STXBP6: variants seen among roughly 807,000 people sequenced by gnomAD.
STXBP6 encodes syntaxin binding protein 6.
Under a neutral mutation model 26.9 loss-of-function variants are expected in STXBP6, and 21 were observed. That is an observed-to-expected ratio of 0.78 (90% CI 0.55 to 1.12). The LOEUF (loss-of-function observed/expected upper bound fraction) is 1.12, where lower values mean the gene tolerates loss of function less well. Ranked by LOEUF, STXBP6 falls within the 50% of genes most tolerant of loss-of-function variation. The probability of loss-of-function intolerance (pLI) is 0.00; values close to 1 mark genes in which losing one functional copy is unlikely to be tolerated. For synonymous variants in STXBP6, 97 were observed against 92.6 expected (o/e 1.05, Z -0.27); for missense variants, 232 against 257.9 (o/e 0.90, Z 0.69).
intron 2 of STXBP6, among the ~76,000 whole-genome samples, chr14:24,921,832 C>A (rs997304633): frequency 4.0e-5 from 6 of 150,160 alleles, no homozygotes; most frequent in Admixed American, 2.0e-4. Flanking sequence ...AAGCCACAAC[C>A]CTTACTTTCA....
intron 1 of STXBP6, among the ~76,000 whole-genome samples, chr14:25,032,842 T>C (rs1463972999): frequency 6.6e-6 from 1 of 152,168 alleles, no homozygotes; most frequent in Non-Finnish European, 1.5e-5. Flanking sequence ...AAAGACACAT[T>C]TCTAAGTGCT....
chr14:24,862,328 T>A (rs1363075822), intron 2 of STXBP6, among the ~76,000 whole-genome samples: 2 of 152,126 alleles, frequency 1.3e-5, no homozygotes, highest in Non-Finnish European at 2.9e-5. Flanking sequence ...AAGGTCTGTT[T>A]CTTTTCTTTT....
At chr14:25,016,406 C>T (rs2075148549) in intron 1 of STXBP6, among the ~76,000 whole-genome samples, 1 of 152,032 alleles carries the variant, frequency 6.6e-6, no homozygotes, top group African/African-American at 2.4e-5. Context: ...ATTCCTTGAA[C>T]CTAGAAAGAA....
chr14:24,946,706 GAGA>G (rs1461471088), intron 2 of STXBP6, among the ~76,000 whole-genome samples: 3 of 152,192 alleles, frequency 2.0e-5, no homozygotes, highest in South Asian at 2.1e-4. Context: ...CCAAGAAAGG[GAGA>G]AGAAGAGAGG....
chr14:24,825,934 T>C (rs2068267054), intron 4 of STXBP6, among the ~76,000 whole-genome samples: 2 of 152,214 alleles, frequency 1.3e-5, no homozygotes, highest in South Asian at 4.1e-4. Flanking sequence ...TTTGGGTCTG[T>C]TTTGTTCAGA....
At chr14:24,983,214 G>T (rs1874588184) in intron 1 of STXBP6, among the ~76,000 whole-genome samples, 6 of 152,200 alleles carry the variant, frequency 3.9e-5, no homozygotes, top group Admixed American at 3.9e-4. Flanking sequence ...ATCAAAAGAG[G>T]AAGGTAGTAA....
intron 2 of STXBP6, among the ~76,000 whole-genome samples, chr14:24,880,156 T>C (rs900617119): frequency 5.3e-5 from 8 of 152,152 alleles, no homozygotes; most frequent in African/African-American, 1.7e-4. Flanking sequence ...TAAAGGGTGC[T>C]GGGAAAACAT....
chr14:24,957,788 C>T (rs187213029), intron 2 of STXBP6, among the ~76,000 whole-genome samples: 1 of 152,336 alleles, frequency 6.6e-6, no homozygotes, highest in East Asian at 1.9e-4. Flanking sequence ...ACAGATTATA[C>T]AGCTAGTCAG....
intron 1 of STXBP6, among the ~76,000 whole-genome samples, chr14:24,986,741 G>A (rs1486211256): frequency 6.6e-6 from 1 of 152,170 alleles, no homozygotes; most frequent in African/African-American, 2.4e-5. Flanking sequence ...TCCACACACA[G>A]CTGCACAAGG....
chr14:24,869,623 AT>A (rs1296114448), intron 2 of STXBP6, among the ~76,000 whole-genome samples: 1 of 152,154 alleles, frequency 6.6e-6, no homozygotes, highest in Non-Finnish European at 1.5e-5. Context: ...CCTAAATCGC[AT>A]CATAATTGGG....
intron 2 of STXBP6, among the ~76,000 whole-genome samples, chr14:24,918,559 G>A (rs1411441852): frequency 2.1e-5 from 3 of 146,064 alleles, no homozygotes; most frequent in African/African-American, 7.6e-5. Flanking sequence ...TTAAAGAAAG[G>A]GAAAAAGTTT....
chr14:24,857,726 T>A (rs2069388764), intron 2 of STXBP6, among the ~76,000 whole-genome samples: 1 of 151,830 alleles, frequency 6.6e-6, no homozygotes, highest in Non-Finnish European at 1.5e-5. Flanking sequence ...CTAGTTTGCA[T>A]CTAATTATGA....
At position 24,950,344 on chromosome 14, in the gene STXBP6, G is replaced by T. The variant is rs888033925; in HGVS notation, c.154+24321C>A. Among the ~76,000 whole-genome samples the T allele has an allele frequency of 2.6e-5, 4 of 152,238 alleles. No individual in the cohort carries two copies. In the South Asian group the frequency reaches 8.3e-4, roughly 32 times the overall value. ...TCATATTCCTGGTATATACCCAACAGAAATATGTAATTATATTTACCAAAA... is the reference window on the plus strand; with the variant it reads ...TCATATTCCTGGTATATACCCAACATAAATATGTAATTATATTTACCAAAA... On this transcript the variant is annotated intron_variant, in intron 2 of 5. Transcript: ENST00000323944.
At chr14:25,007,239 A>G (rs1485168426) in intron 1 of STXBP6, among the ~76,000 whole-genome samples, 8 of 152,228 alleles carry the variant, frequency 5.3e-5, no homozygotes, top group African/African-American at 7.2e-5. Context: ...TCTATTCATC[A>G]TTAGTAAGTT....
chr14:24,974,633 T>C lies in STXBP6; in HGVS notation c.154+32A>G, dbSNP rs141429691. ...ATGAACTGTTTTAAAATGGAAGTTA[T>C]TTTAATAATATTAATATCTGGTTCT... On this transcript the variant is annotated intron_variant, in intron 2 of 5. Coordinates refer to ENST00000323944, the MANE Select transcript of STXBP6 (RefSeq NM_001394410.1). 6.8e-5 allele frequency: 103 copies of C among 1,520,634 alleles called. 1 individual carries two copies. In the East Asian group the frequency reaches 2.3e-3, roughly 35 times the overall value. The allele number at this position is 1,520,634 out of a possible 1,614,324, so 94.2% of individuals were successfully genotyped here.
intron 1 of STXBP6, among the ~76,000 whole-genome samples, chr14:25,030,604 T>C (rs2075435744): frequency 6.6e-6 from 1 of 152,098 alleles, no homozygotes; most frequent in Non-Finnish European, 1.5e-5. Flanking sequence ...AACAGACAGA[T>C]TTTAAAGGCA....
chr14:24,815,087 G>C (rs905014636), intron 5 of STXBP6, among the ~76,000 whole-genome samples: 1 of 152,174 alleles, frequency 6.6e-6, no homozygotes, highest in African/African-American at 2.4e-5. Context: ...ATGGAAGGCA[G>C]GGAGGTAGAG....
At chr14:24,865,889 C>T (rs1018574301) in intron 2 of STXBP6, among the ~76,000 whole-genome samples, 2 of 152,232 alleles carry the variant, frequency 1.3e-5, no homozygotes, top group African/African-American at 2.4e-5. Flanking sequence ...TCATACTATA[C>T]ATGAAGTAGT....
At chr14:24,985,854 G>A (rs564492524) in intron 1 of STXBP6, among the ~76,000 whole-genome samples, 1 of 152,328 alleles carries the variant, frequency 6.6e-6, no homozygotes, top group South Asian at 2.1e-4. Flanking sequence ...TGATCCTAGT[G>A]ATGGTCTATC....
Sources: gnomAD v4.1 joint callset for allele counts (sites outside exome capture counted in the v4.1 genomes callset) on GRCh38, gnomAD v4.1.1 for gene constraint, MANE v1.5 for transcripts, NCBI Gene and HGNC (gene_info 2026-07-23, HGNC 2026-07-21) for gene names.